PDE1A: variants seen among roughly 807,000 people sequenced by gnomAD.
The protein encoded by PDE1A is dual specificity calcium/calmodulin-dependent 3',5'-cyclic nucleotide phosphodiesterase 1A.
In PDE1A, 35 loss-of-function variants were observed where a neutral mutation model predicts 61.7. The observed-to-expected ratio is 0.57, with a 90% CI of 0.43 to 0.75. The LOEUF is 0.75. Ranked by LOEUF, PDE1A falls within the 30% of genes least tolerant of loss-of-function variation. The probability of loss-of-function intolerance (pLI) is 0.00; values close to 1 mark genes in which losing one functional copy is unlikely to be tolerated. For missense variants in PDE1A, 597 were observed against 630.6 expected, an observed-to-expected ratio of 0.95 and a Z score of 0.57; for synonymous variants, 232 against 213.2, an observed-to-expected ratio of 1.09 and a Z score of -0.77.
At chr2:182,147,672 T>C (rs1438213676) in intron 13 of PDE1A, among the ~76,000 whole-genome samples, 3 of 152,130 alleles carry the variant, frequency 2.0e-5, no homozygotes, top group African/African-American at 7.2e-5. Flanking sequence ...CATGGAAAAA[T>C]CTTTCAACAT....
chr2:182,475,138 G>T (rs1687271632), intron 2 of PDE1A, among the ~76,000 whole-genome samples: 1 of 151,878 alleles, frequency 6.6e-6, no homozygotes, highest in African/African-American at 2.4e-5. Flanking sequence ...ACTTTCAGGA[G>T]CCAAGTAAGA....
At chr2:182,658,618 CAAGTA>C in the PDE1A span, among the ~76,000 whole-genome samples, 1 of 152,084 alleles carries the variant, frequency 6.6e-6, no homozygotes, top group African/African-American at 2.4e-5. Flanking sequence ...GAGACTAACC[CAAGTA>C]AAGATGATTG....
chr2:182,570,624 A>T, the PDE1A span, among the ~76,000 whole-genome samples: 1 of 152,220 alleles, frequency 6.6e-6, no homozygotes, highest in Non-Finnish European at 1.5e-5. Context: ...CATCAGACAC[A>T]GTAATGAAGT....
At chr2:182,598,539 C>T in the PDE1A span, among the ~76,000 whole-genome samples, 2 of 148,918 alleles carry the variant, frequency 1.3e-5, no homozygotes, top group Non-Finnish European at 3.0e-5. Flanking sequence ...CTCCAGCCTG[C>T]GTGATGGAGC....
intron 2 of PDE1A, among the ~76,000 whole-genome samples, chr2:182,462,192 T>C (rs1277767930): frequency 1.3e-5 from 2 of 151,946 alleles, no homozygotes; most frequent in South Asian, 2.1e-4. Flanking sequence ...CATTAGGAGA[T>C]ATACCTAATG....
At chr2:182,489,105 C>T (rs1052211743) in intron 2 of PDE1A, among the ~76,000 whole-genome samples, 3 of 152,060 alleles carry the variant, frequency 2.0e-5, no homozygotes, top group African/African-American at 4.8e-5. Flanking sequence ...TTCTGAGAGA[C>T]GACATTTGAG....
chr2:182,626,861 A>G, the PDE1A span, among the ~76,000 whole-genome samples: 45 of 42,072 alleles, frequency 1.1e-3, 2 homozygotes, highest in Non-Finnish European at 2.0e-3. Flanking sequence ...ATATATATAC[A>G]TATATATATA....
chr2:182,342,189 T>C (rs925351273), intron 1 of PDE1A, among the ~76,000 whole-genome samples: 2 of 152,222 alleles, frequency 1.3e-5, no homozygotes, highest in East Asian at 1.9e-4. Flanking sequence ...GCTGAGAACA[T>C]TTCACTTCTT....
rs181674927 is a variant in PDE1A at position 182,171,004 on chromosome 2, C to T, written c.1517-2714G>A. ...ACTTTCCCACCAATTTTAAATGTTT[C>T]TCTTACTTCTAGTGAAAAACACTTC... On this transcript the variant is annotated intron_variant, in intron 13 of 13. Transcript: ENST00000351439. Among the ~76,000 whole-genome samples the T allele has an allele frequency of 2.3e-3, 345 of 152,056 alleles. 1 individual carries two copies. The highest frequency in any genetic ancestry group is 3.7e-3 in the Non-Finnish European group (252 of 67,900).
chr2:182,495,394 T>C (rs1465505419), intron 2 of PDE1A, among the ~76,000 whole-genome samples: 1 of 152,182 alleles, frequency 6.6e-6, no homozygotes, highest in Non-Finnish European at 1.5e-5. Flanking sequence ...GTCCAGCATG[T>C]AGAATCTGGC....
chr2:182,347,093 T>A (rs1698563955), intron 1 of PDE1A, among the ~76,000 whole-genome samples: 1 of 149,860 alleles, frequency 6.7e-6, no homozygotes, highest in East Asian at 2.0e-4. Context: ...TCCTCATCTA[T>A]GTCAGAAAGA....
chr2:182,603,508 C>T, the PDE1A span, among the ~76,000 whole-genome samples: 29 of 152,108 alleles, frequency 1.9e-4, no homozygotes, highest in Admixed American at 2.6e-4. Context: ...CCACCACACC[C>T]CAGCTAATTT....
chr2:182,342,065 C>T (rs1698220839), intron 1 of PDE1A, among the ~76,000 whole-genome samples: 1 of 152,158 alleles, frequency 6.6e-6, no homozygotes, highest in African/African-American at 2.4e-5. Context: ...CCACCACACC[C>T]GGCCCTTTTC....
chr2:182,641,263 A>C, the PDE1A span, among the ~76,000 whole-genome samples: 1 of 151,826 alleles, frequency 6.6e-6, no homozygotes, highest in Admixed American at 6.6e-5. Flanking sequence ...ATGGGGGAAA[A>C]GGATGAGACA....
At chr2:182,173,699 T>C (rs149796068) in intron 13 of PDE1A, among the ~76,000 whole-genome samples, 1 of 64,052 alleles carries the variant, frequency 1.6e-5, no homozygotes, top group African/African-American at 6.4e-5. Flanking sequence ...GACTTTGTTT[T>C]CCTCTGATTA....
At chr2:182,303,749 T>C (rs2125923693) in intron 1 of PDE1A, among the ~76,000 whole-genome samples, 1 of 152,342 alleles carries the variant, frequency 6.6e-6, no homozygotes. Context: ...TTAGGCTGAT[T>C]CATCTTCACT....
intron 2 of PDE1A, among the ~76,000 whole-genome samples, chr2:182,493,232 CTTT>C (rs371513720): frequency 6.9e-6 from 1 of 144,034 alleles, no homozygotes; most frequent in Non-Finnish European, 1.5e-5. Flanking sequence ...TCTCGACTAA[CTTT>C]TTTTTTTTTT....
intron 1 of PDE1A, among the ~76,000 whole-genome samples, chr2:182,386,737 TC>T (rs1294941604): frequency 6.7e-6 from 1 of 149,992 alleles, no homozygotes; most frequent in African/African-American, 2.5e-5. Context: ...GGCAGCCACC[TC>T]GTCCAGGAGG....
chr2:182,202,769 C>T (rs1686771444), intron 8 of PDE1A, among the ~76,000 whole-genome samples: 1 of 152,174 alleles, frequency 6.6e-6, no homozygotes, highest in African/African-American at 2.4e-5. Context: ...ATACAATAAC[C>T]ATGTCACAAA....
Sources: allele counts gnomAD v4.1 joint callset (sites outside exome capture counted in the v4.1 genomes callset), GRCh38; gene constraint gnomAD v4.1.1; transcripts MANE v1.5; gene names NCBI Gene and HGNC (gene_info 2026-07-23, HGNC 2026-07-21).